The following ANK2 variants were observed in gnomAD, a reference collection of about 807,000 sequenced individuals.
The protein encoded by ANK2 is ankyrin-2.
In ANK2, 83 loss-of-function variants were observed where a neutral mutation model predicts 360.5. That is an observed-to-expected ratio of 0.23 (90% confidence interval 0.19 to 0.28). ANK2 has a LOEUF of 0.28. Among genes scored for constraint, ANK2 ranks in the 10% least tolerant of loss-of-function variants. The probability of loss-of-function intolerance (pLI) is 1.00; values close to 1 mark genes in which losing one functional copy is unlikely to be tolerated. For missense variants in ANK2, 4,201 were observed against 4,795.7 expected (o/e 0.88, Z 3.66); for synonymous variants, 1,740 against 1,759.5 (o/e 0.99, Z 0.28).
the ANK2 span, among the ~76,000 whole-genome samples, chr4:112,785,456 C>T: frequency 2.6e-5 from 4 of 151,696 alleles, no homozygotes; most frequent in East Asian, 1.9e-4. Flanking sequence ...TGACTGCAAC[C>T]GCTGCCTCCT....
chr4:112,855,686 G>A lies in ANK2; in HGVS notation c.-40+37422G>A, dbSNP rs540190027. Among the ~76,000 whole-genome samples, 6 of 152,278 alleles carry A rather than the reference G, an allele frequency of 3.9e-5. No homozygotes were observed. In the South Asian group the frequency reaches 1.2e-3, roughly 32 times the overall value. ...TTAAGTACTATTCTAGGTGACAAAA[G>A]TAGAGGTGCAGGAAGGTTAAGTGAC... On this transcript the variant is annotated intron_variant, in intron 1 of 30. Transcript: ENST00000503271.
the ANK2 span, among the ~76,000 whole-genome samples, chr4:112,799,520 T>C: frequency 3.0e-3 from 449 of 151,966 alleles, 1 homozygote; most frequent in Non-Finnish European, 4.9e-3. Context: ...TTTTTATTTT[T>C]ATTTTTATTT....
the ANK2 span, among the ~76,000 whole-genome samples, chr4:112,800,394 C>A: frequency 3.9e-5 from 6 of 151,950 alleles, no homozygotes; most frequent in Non-Finnish European, 8.8e-5. Flanking sequence ...ACAAATCTAG[C>A]GTGTGTGTGT....
At chr4:112,928,193 C>T (rs915827625) in intron 2 of ANK2, among the ~76,000 whole-genome samples, 3 of 152,074 alleles carry the variant, frequency 2.0e-5, no homozygotes, top group Non-Finnish European at 4.4e-5. Context: ...CTACACTGGA[C>T]TTCACATTAA....
chr4:113,041,041 C>T (rs189160388), intron 2 of ANK2, among the ~76,000 whole-genome samples: 49 of 152,162 alleles, frequency 3.2e-4, no homozygotes, highest in African/African-American at 1.2e-3. Flanking sequence ...CAGACTAATG[C>T]ATCTGTCCAC....
At chr4:113,293,783 A>G (rs967185044) in intron 22 of ANK2, among the ~76,000 whole-genome samples, 1 of 152,224 alleles carries the variant, frequency 6.6e-6, no homozygotes, top group African/African-American at 2.4e-5. Flanking sequence ...TAGTTTTATA[A>G]TATTTAATTC....
intron 33 of ANK2, among the ~76,000 whole-genome samples, chr4:113,342,227 CTTG>C (rs1391663885): frequency 2.6e-5 from 4 of 152,088 alleles, no homozygotes; most frequent in Admixed American, 1.3e-4. Context: ...TTTAGCTTTC[CTTG>C]TTGTCCTTAT....
intron 2 of ANK2, among the ~76,000 whole-genome samples, chr4:113,024,468 A>G (rs757660382): frequency 6.6e-6 from 1 of 152,204 alleles, no homozygotes; most frequent in Non-Finnish European, 1.5e-5. Context: ...ATCTACAAAA[A>G]TAAACACATG....
intron 4 of ANK2, among the ~76,000 whole-genome samples, chr4:113,208,957 A>G (rs2098987943): frequency 6.6e-6 from 1 of 152,016 alleles, no homozygotes; most frequent in East Asian, 1.9e-4. Context: ...CGGAGCAGTA[A>G]AGACAGTGAA....
chr4:112,718,925 C>A, the ANK2 span, among the ~76,000 whole-genome samples: 1 of 69,128 alleles, frequency 1.4e-5, no homozygotes. Flanking sequence ...GCATGAGCCA[C>A]CGCACCCGGT....
chr4:112,761,982 A>C, the ANK2 span, among the ~76,000 whole-genome samples: 1 of 152,258 alleles, frequency 6.6e-6, no homozygotes, highest in Non-Finnish European at 1.5e-5. Context: ...GGAAGGAATA[A>C]TTAACTTTTC....
chr4:113,285,240 T>C (rs2063955763), intron 18 of ANK2, among the ~76,000 whole-genome samples: 1 of 151,780 alleles, frequency 6.6e-6, no homozygotes, highest in African/African-American at 2.4e-5. Context: ...TGTGACCAAA[T>C]GCGGAGAGGT....
the ANK2 span, among the ~76,000 whole-genome samples, chr4:112,718,299 C>T: frequency 2.6e-5 from 4 of 152,100 alleles, no homozygotes; most frequent in African/African-American, 9.7e-5. Flanking sequence ...GTGGATAGCC[C>T]TCATCCTATT....
intron 1 of ANK2, among the ~76,000 whole-genome samples, chr4:113,097,907 T>TAC (rs2091909051): frequency 1.7e-5 from 2 of 114,730 alleles, no homozygotes; most frequent in African/African-American, 7.8e-5. Flanking sequence ...CACACATATA[T>TAC]ATGTATATAT....
At chr4:113,366,850 T>C (rs2096557019) in intron 41 of ANK2, among the ~76,000 whole-genome samples, 1 of 152,212 alleles carries the variant, frequency 6.6e-6, no homozygotes, top group Non-Finnish European at 1.5e-5. Context: ...GGAAGCTTTT[T>C]ATATCTTATA....
At chr4:112,954,348 G>T (rs2095230825) in intron 2 of ANK2, among the ~76,000 whole-genome samples, 1 of 151,780 alleles carries the variant, frequency 6.6e-6, no homozygotes, top group South Asian at 2.1e-4. Context: ...CTTTCATTAA[G>T]TTATTTTCTG....
At chr4:113,218,453 A>AG (rs906942846) in intron 4 of ANK2, among the ~76,000 whole-genome samples, 5 of 133,894 alleles carry the variant, frequency 3.7e-5, no homozygotes, top group African/African-American at 1.4e-4. Context: ...TAAATGACCA[A>AG]AAAAAAAAAA....
At chr4:113,016,475 C>T (rs1476118243) in intron 2 of ANK2, among the ~76,000 whole-genome samples, 5 of 152,110 alleles carry the variant, frequency 3.3e-5, no homozygotes, top group African/African-American at 9.7e-5. Context: ...CCACTCTGAG[C>T]CCTCCTGCCA....
intron 2 of ANK2, among the ~76,000 whole-genome samples, chr4:112,957,688 G>T (rs1484877014): frequency 6.7e-6 from 1 of 149,590 alleles, no homozygotes. Flanking sequence ...TGGCTGGGCG[G>T]GGGGCTGACC....
Sources: allele counts gnomAD v4.1 joint callset (sites outside exome capture counted in the v4.1 genomes callset), GRCh38; gene constraint gnomAD v4.1.1; transcripts MANE v1.5; gene names NCBI Gene and HGNC (gene_info 2026-07-23, HGNC 2026-07-21).